The following CAPS2 variants were observed in gnomAD, a reference collection of about 807,000 sequenced individuals.
The protein encoded by CAPS2 is calcyphosin-2.
CAPS2 carries 98 observed loss-of-function variants against 86.5 expected under a neutral mutation model. That is an observed-to-expected ratio of 1.13 (90% CI 0.96 to 1.34). CAPS2 has a LOEUF of 1.34. CAPS2 is among the 40% of genes most tolerant of loss of function. The probability of loss-of-function intolerance (pLI) is 0.00; values close to 1 mark genes in which losing one functional copy is unlikely to be tolerated. For missense variants in CAPS2, 729 were observed against 686.8 expected, an observed-to-expected ratio of 1.06 and a Z score of -0.69; for synonymous variants, 210 against 225.1, an observed-to-expected ratio of 0.93 and a Z score of 0.60.
chr12:75,333,854 G>A (rs1022563575), upstream of CAPS2: 3 of 148,884 alleles, frequency 2.0e-5, no homozygotes, highest in African/African-American at 7.7e-5. Context: ...TTAATGTCAT[G>A]GGGAAAAATG....
At chr12:75,367,448 G>A (rs987653875) in intron 1 of CAPS2, among the ~76,000 whole-genome samples, 11 of 151,674 alleles carry the variant, frequency 7.3e-5, no homozygotes, top group African/African-American at 2.2e-4. Flanking sequence ...ATTGAAATAC[G>A]AATACACACA....
intron 14 of CAPS2, among the ~76,000 whole-genome samples, chr12:75,286,442 G>T (rs2034878895): frequency 6.6e-6 from 1 of 151,690 alleles, no homozygotes; most frequent in African/African-American, 2.4e-5. Context: ...AAGCTTAAAA[G>T]AAATAATTTT....
intron 11 of CAPS2, among the ~76,000 whole-genome samples, chr12:75,296,541 C>T (rs1167772343): frequency 1.3e-5 from 2 of 152,196 alleles, no homozygotes; most frequent in Non-Finnish European, 2.9e-5. Flanking sequence ...ATCTGCCCCC[C>T]TCGGCCTCCC....
exon 12 of CAPS2, chr12:75,293,367 C>T: frequency 6.3e-7 from 1 of 1,593,270 alleles, no homozygotes; most frequent in South Asian, 1.1e-5. Flanking sequence ...AAGGTTGCAC[C>T]CTAAACAAAA....
intron 1 of CAPS2, among the ~76,000 whole-genome samples, chr12:75,342,463 T>G (rs1036470327): frequency 1.3e-5 from 2 of 152,214 alleles, no homozygotes; most frequent in African/African-American, 2.4e-5. Flanking sequence ...AAAAGATGTT[T>G]AAAAATAACC....
At chr12:75,292,291 C>T (rs966596211) in intron 12 of CAPS2, among the ~76,000 whole-genome samples, 1 of 152,052 alleles carries the variant, frequency 6.6e-6, no homozygotes, top group Admixed American at 6.5e-5. Context: ...TGGTCTCGAA[C>T]TCTTGACCTT....
In CAPS2 at chr12:75,370,365, T is replaced by C. The variant is rs1407076186; in HGVS notation, c.-395+20473A>G. The C allele has an allele frequency of 6.0e-5, 27 of 451,662 alleles. No homozygotes were observed. In the Admixed American group the frequency reaches 9.8e-4, roughly 16 times the overall value. The allele number at this position is 451,662 out of a possible 1,614,324, so 28.0% of individuals were successfully genotyped here. On this transcript the variant is annotated intron_variant, in intron 1 of 5. Transcript: ENST00000551829. ...GAAAATGGATAGCAGTAGAATAAAGTCTTAAGATTATTTTTTAATTACAAA... is the reference window on the plus strand; with the variant it reads ...GAAAATGGATAGCAGTAGAATAAAGCCTTAAGATTATTTTTTAATTACAAA...
chr12:75,372,407 C>T (rs974561726), intron 1 of CAPS2, among the ~76,000 whole-genome samples: 1 of 152,164 alleles, frequency 6.6e-6, no homozygotes, highest in African/African-American at 2.4e-5. Flanking sequence ...CCAGAGTAAC[C>T]AGGTGGCAAT....
chr12:75,347,668 G>A, intron 1 of CAPS2: 3 of 1,608,832 alleles, frequency 1.9e-6, no homozygotes, highest in Non-Finnish European at 2.5e-6. Context: ...GTTGCAATGT[G>A]TCCTAACCTT....
At chr12:75,305,941 G>C (rs1179531193) in intron 7 of CAPS2, 1 of 1,111,988 alleles carries the variant, frequency 9.0e-7, no homozygotes, top group Non-Finnish European at 1.3e-6. Context: ...GAAAGCGCTG[G>C]AGCCCGAGGA....
chr12:75,379,451 T>C (rs2044839012), intron 1 of CAPS2, among the ~76,000 whole-genome samples: 1 of 152,218 alleles, frequency 6.6e-6, no homozygotes, highest in Non-Finnish European at 1.5e-5. Flanking sequence ...CAACAGCCTC[T>C]TGACAGGACA....
In CAPS2 at chr12:75,302,476, G is replaced by T. The variant is rs2037938410; in HGVS notation, c.779+2281C>A. Among the ~76,000 whole-genome samples the T allele has an allele frequency of 2.6e-5, 4 of 152,298 alleles. No homozygotes were observed. The South Asian group carries it at 8.3e-4, about 32-fold the overall frequency. ...AAGTCAGAGGGAAAATGATTTAGTGGTAGGCAGAGATTATTTTTAAGGAAT... is the reference window on the plus strand; with the variant it reads ...AAGTCAGAGGGAAAATGATTTAGTGTTAGGCAGAGATTATTTTTAAGGAAT... On this transcript the variant is annotated intron_variant, in intron 8 of 16. Coordinates refer to ENST00000393284, the Ensembl canonical transcript of CAPS2.
Position 75,322,755 on chromosome 12 carries a change from C to A in CAPS2, c.291+219G>T, listed in dbSNP as rs181562223. 4.9e-3 allele frequency among the ~76,000 whole-genome samples: 752 copies of A among 152,150 alleles called. 4 individuals carry two copies. The highest frequency in any genetic ancestry group is 8.6e-3 in the Non-Finnish European group (586 of 68,000). On this transcript the variant is annotated intron_variant, in intron 4 of 16. Coordinates refer to ENST00000393284, the Ensembl canonical transcript of CAPS2. ...GCCATATTTTTAAAATTCCTCAATT[C>A]CATATTAGGATATATGTGTACTTTA...
At chr12:75,306,180 G>T in intron 7 of CAPS2, 1 of 827,260 alleles carries the variant, frequency 1.2e-6, no homozygotes, top group East Asian at 2.5e-5. Context: ...TGAAGTACCG[G>T]CCCGGCCCCT....
At chr12:75,370,248 C>T in intron 1 of CAPS2, 1 of 791,492 alleles carries the variant, frequency 1.3e-6, no homozygotes, top group Admixed American at 2.1e-5. Context: ...TATAACTTAT[C>T]ATCACTTTGC....
chr12:75,377,389 C>T (rs998269004), intron 1 of CAPS2, among the ~76,000 whole-genome samples: 5 of 152,162 alleles, frequency 3.3e-5, no homozygotes, highest in East Asian at 1.9e-4. Context: ...TGAAATCCCA[C>T]GATAGGCCAT....
At chr12:75,314,811 G>C (rs1452582840) in intron 6 of CAPS2, among the ~76,000 whole-genome samples, 1 of 152,042 alleles carries the variant, frequency 6.6e-6, no homozygotes, top group Non-Finnish European at 1.5e-5. Flanking sequence ...GCTTGTGGTG[G>C]TTTATACTTT....
chr12:75,334,849 C>T (rs2041608355), upstream of CAPS2: 1 of 1,614,116 alleles, frequency 6.2e-7, no homozygotes, highest in South Asian at 1.1e-5. Flanking sequence ...CATAGAAGCC[C>T]ACAACGAATG....
At chr12:75,326,379 G>T in intron 1 of CAPS2, 39 bp downstream of exon 2, 1 of 774,492 alleles carries the variant, frequency 1.3e-6, no homozygotes, top group South Asian at 1.8e-5. Flanking sequence ...TTATTTATAA[G>T]TCATCCTGAA....
Sources: gnomAD v4.1 joint callset for allele counts (sites outside exome capture counted in the v4.1 genomes callset) on GRCh38, gnomAD v4.1.1 for gene constraint, MANE v1.5 for transcripts, NCBI Gene and HGNC (gene_info 2026-07-23, HGNC 2026-07-21) for gene names.